SPAG16: variants seen among roughly 807,000 people sequenced by gnomAD.
The protein encoded by SPAG16 is sperm-associated antigen 16 protein.
Under a neutral mutation model 80.4 loss-of-function variants are expected in SPAG16, and 86 were observed. The observed-to-expected ratio is 1.07, with a 90% CI of 0.90 to 1.28. The LOEUF is 1.28. Ranked by LOEUF, SPAG16 falls within the 50% of genes most tolerant of loss-of-function variation. The pLI is 0.00. For synonymous variants in SPAG16, 294 were observed against 265.9 expected, an observed-to-expected ratio of 1.11 and a Z score of -1.03; for missense variants, 870 against 765.3, an observed-to-expected ratio of 1.14 and a Z score of -1.61.
chr2:213,792,691 C>T (rs1159305936), intron 10 of SPAG16, among the ~76,000 whole-genome samples: 1 of 138,718 alleles, frequency 7.2e-6, no homozygotes, highest in East Asian at 2.2e-4. Context: ...TCAAGCGATT[C>T]TCCTGCCTCA....
intron 10 of SPAG16, among the ~76,000 whole-genome samples, chr2:213,591,461 G>A (rs2113472): frequency 0.43 from 65,734 of 151,882 alleles, 15,048 homozygotes; most frequent in African/African-American, 0.57. Context: ...AAAATTAGGG[G>A]TAAAATTCCA....
At chr2:214,107,649 G>A (rs913499241) in intron 13 of SPAG16, among the ~76,000 whole-genome samples, 3 of 152,110 alleles carry the variant, frequency 2.0e-5, no homozygotes, top group Admixed American at 6.6e-5. Flanking sequence ...TAGATGTGAA[G>A]TTTGGTTCTC....
intron 15 of SPAG16, among the ~76,000 whole-genome samples, chr2:214,392,127 C>T (rs888728585): frequency 1.3e-5 from 2 of 152,084 alleles, no homozygotes; most frequent in African/African-American, 4.8e-5. Context: ...GAGGGTCACA[C>T]ATTAAAAATG....
At chr2:214,249,315 A>G (rs150368160) in intron 15 of SPAG16, among the ~76,000 whole-genome samples, 1 of 152,274 alleles carries the variant, frequency 6.6e-6, no homozygotes, top group East Asian at 1.9e-4. Flanking sequence ...ATAAAAATGC[A>G]TTTTCAAATT....
intron 11 of SPAG16, among the ~76,000 whole-genome samples, chr2:213,874,919 C>G (rs1385341330): frequency 6.6e-6 from 1 of 151,880 alleles, no homozygotes; most frequent in African/African-American, 2.4e-5. Context: ...CAGAAAAGTC[C>G]CAGTTTATTC....
At chr2:213,589,237 T>G (rs1256614595) in intron 10 of SPAG16, among the ~76,000 whole-genome samples, 1 of 152,128 alleles carries the variant, frequency 6.6e-6, no homozygotes, top group Non-Finnish European at 1.5e-5. Flanking sequence ...TGGCAGAAAA[T>G]TAGATCACAA....
chr2:213,885,319 A>G (rs1264374334), intron 11 of SPAG16, among the ~76,000 whole-genome samples: 1 of 152,176 alleles, frequency 6.6e-6, no homozygotes, highest in East Asian at 1.9e-4. Flanking sequence ...ACTCAACTGC[A>G]TGGCTCCTTT....
At chr2:213,368,663 A>C (rs2066460148) in intron 8 of SPAG16, among the ~76,000 whole-genome samples, 1 of 152,054 alleles carries the variant, frequency 6.6e-6, no homozygotes, top group African/African-American at 2.4e-5. Flanking sequence ...TATTTAGAAA[A>C]CCCCATCATC....
chr2:213,988,635 A>G (rs1304463505), intron 12 of SPAG16, among the ~76,000 whole-genome samples: 1 of 152,054 alleles, frequency 6.6e-6, no homozygotes, highest in East Asian at 1.9e-4. Context: ...TTGTTTCTAT[A>G]TACTAGCCAT....
At chr2:213,823,661 G>A (rs570849169) in intron 10 of SPAG16, among the ~76,000 whole-genome samples, 15 of 152,190 alleles carry the variant, frequency 9.9e-5, no homozygotes, top group African/African-American at 2.9e-4. Flanking sequence ...CACCACACCC[G>A]GCCTGTTGAG....
At chr2:213,820,794 T>G (rs1413073113) in intron 10 of SPAG16, among the ~76,000 whole-genome samples, 1 of 152,092 alleles carries the variant, frequency 6.6e-6, no homozygotes, top group East Asian at 1.9e-4. Flanking sequence ...TTTATCTTTT[T>G]AATGTAATTA....
intron 10 of SPAG16, among the ~76,000 whole-genome samples, chr2:213,652,958 A>T (rs1485795618): frequency 6.6e-6 from 1 of 152,124 alleles, no homozygotes; most frequent in Admixed American, 6.5e-5. Flanking sequence ...GTTTCTTCTA[A>T]AAGTTTTATT....
intron 11 of SPAG16, among the ~76,000 whole-genome samples, chr2:213,875,908 C>T (rs551964146): frequency 6.6e-6 from 1 of 152,110 alleles, no homozygotes; most frequent in Non-Finnish European, 1.5e-5. Flanking sequence ...ACTGTAGTTA[C>T]ATTAAATATT....
chr2:214,099,157 C>G (rs547600710), intron 13 of SPAG16, among the ~76,000 whole-genome samples: 5 of 152,162 alleles, frequency 3.3e-5, no homozygotes, highest in African/African-American at 9.6e-5. Flanking sequence ...GAGTTTATAA[C>G]TAGTTCTGGT....
chr2:213,747,914 C>T (rs2067904188), intron 10 of SPAG16, among the ~76,000 whole-genome samples: 1 of 152,198 alleles, frequency 6.6e-6, no homozygotes, highest in East Asian at 1.9e-4. Context: ...TTCTGTCATT[C>T]AGAAGTATGC....
intron 10 of SPAG16, among the ~76,000 whole-genome samples, chr2:213,825,994 G>T (rs910356798): frequency 2.6e-5 from 4 of 151,722 alleles, no homozygotes; most frequent in African/African-American, 9.7e-5. Context: ...TAGGTTGTAT[G>T]TATCTAGGAA....
At chr2:213,503,214 T>A (rs983767822) in intron 10 of SPAG16, among the ~76,000 whole-genome samples, 3 of 152,210 alleles carry the variant, frequency 2.0e-5, no homozygotes, top group African/African-American at 7.2e-5. Flanking sequence ...AGCTTTGCTC[T>A]GATTGAGAAT....
chr2:213,481,143 T>C (rs1227773017), intron 9 of SPAG16, among the ~76,000 whole-genome samples: 1 of 152,204 alleles, frequency 6.6e-6, no homozygotes, highest in Non-Finnish European at 1.5e-5. Context: ...TTATTCTTGG[T>C]CTCTGTTTTG....
At chr2:214,161,539 T>C (rs1037983094) in intron 15 of SPAG16, among the ~76,000 whole-genome samples, 8 of 152,174 alleles carry the variant, frequency 5.3e-5, no homozygotes, top group African/African-American at 1.9e-4. Flanking sequence ...TGATTTGCCT[T>C]TCTCTAATGA....
Sources: allele counts gnomAD v4.1 joint callset (sites outside exome capture counted in the v4.1 genomes callset), GRCh38; gene constraint gnomAD v4.1.1; transcripts MANE v1.5; gene names NCBI Gene and HGNC (gene_info 2026-07-23, HGNC 2026-07-21).